The following OLFM3 variants were observed in gnomAD, a reference collection of about 807,000 sequenced individuals.
OLFM3 encodes olfactomedin 3.
In OLFM3, 20 loss-of-function variants were observed where a neutral mutation model predicts 48.6. That is an observed-to-expected ratio of 0.41 (90% confidence interval 0.29 to 0.60). The LOEUF is 0.60. Ranked by LOEUF, OLFM3 falls within the 20% of genes least tolerant of loss-of-function variation. OLFM3 has a pLI of 0.28. For synonymous variants in OLFM3, 222 were observed against 198.1 expected, an observed-to-expected ratio of 1.12 and a Z score of -1.01; for missense variants, 437 against 544.3, an observed-to-expected ratio of 0.80 and a Z score of 1.96.
At position 101,812,670 on chromosome 1, in the gene OLFM3, C is replaced by T. The variant is rs938917107; in HGVS notation, c.593-6488G>A. 3 of 985,578 alleles carry T rather than the reference C, an allele frequency of 3.0e-6. No homozygotes were observed. In the African/African-American group the frequency reaches 5.2e-5, roughly 17 times the overall value. 61.1% of individuals were successfully genotyped at this position (985,578 alleles called of 1,614,324 possible). The stretch of plus-strand genomic sequence containing the variant: ...GCTTGAATCTAATCCAGCCTTGCAT[C>T]TCTATGGCAAAGGGATACTGCTGAG... On this transcript the variant is annotated intron_variant, in intron 4 of 5. Coordinates refer to ENST00000370103, the MANE Select transcript of OLFM3 (RefSeq NM_058170.4).
intron 1 of OLFM3, among the ~76,000 whole-genome samples, chr1:101,862,993 GT>G (rs5776596): frequency 0.45 from 63,911 of 142,312 alleles, 13,711 homozygotes; most frequent in Non-Finnish European, 0.49. Context: ...TATGTAATTA[GT>G]TTTTTTTTTT....
At chr1:101,872,437 A>C (rs764349334) in intron 1 of OLFM3, among the ~76,000 whole-genome samples, 1 of 151,986 alleles carries the variant, frequency 6.6e-6, no homozygotes, top group South Asian at 2.1e-4. Flanking sequence ...GATAGGAGAA[A>C]ATTAAGAGAT....
intron 1 of OLFM3, among the ~76,000 whole-genome samples, chr1:101,897,947 A>G (rs1658259658): frequency 1.3e-5 from 2 of 152,142 alleles, no homozygotes; most frequent in South Asian, 4.2e-4. Context: ...AGTCATATAA[A>G]CAATTAATAT....
chr1:101,946,570 G>T (rs1208715110), intron 1 of OLFM3, among the ~76,000 whole-genome samples: 1 of 152,116 alleles, frequency 6.6e-6, no homozygotes, highest in Non-Finnish European at 1.5e-5. Context: ...ACGATAAGTG[G>T]CAATCTTTTA....
At chr1:101,880,990 A>C (rs1657505626) in intron 1 of OLFM3, among the ~76,000 whole-genome samples, 1 of 151,912 alleles carries the variant, frequency 6.6e-6, no homozygotes, top group South Asian at 2.1e-4. Flanking sequence ...ATGTTAAGCT[A>C]TCTGAAAAAT....
intron 1 of OLFM3, among the ~76,000 whole-genome samples, chr1:101,838,715 G>A (rs1655561266): frequency 1.3e-5 from 2 of 151,716 alleles, no homozygotes; most frequent in African/African-American, 4.8e-5. Context: ...CCTGATCTCA[G>A]GTGATCCGCC....
At chr1:101,936,616 T>C (rs572029022) in intron 1 of OLFM3, among the ~76,000 whole-genome samples, 7 of 152,274 alleles carry the variant, frequency 4.6e-5, no homozygotes, top group Admixed American at 4.6e-4. Flanking sequence ...TTTTAAAGTT[T>C]ATATGAAACC....
intron 1 of OLFM3, among the ~76,000 whole-genome samples, chr1:101,879,386 A>C (rs1172929030): frequency 6.6e-6 from 1 of 151,814 alleles, no homozygotes; most frequent in African/African-American, 2.4e-5. Context: ...TACAATAATA[A>C]TTTTCTCTCA....
At position 101,899,625 on chromosome 1, in the gene OLFM3, T is replaced by A. The variant is rs72987987; in HGVS notation, c.70-62600A>T. On this transcript the variant is annotated intron_variant, in intron 1 of 5. Transcript: ENST00000370103. The stretch of plus-strand genomic sequence containing the variant: ...GTAAACGTTTGACATTTGAATTGCA[T>A]AACTTTTATATCATAAATTCAATCT... Among the ~76,000 whole-genome samples, 722 of 152,236 alleles carry A rather than the reference T, an allele frequency of 4.7e-3. 7 individuals carry two copies. The highest frequency in any genetic ancestry group is 0.017 in the African/African-American group (688 of 41,550).
chr1:101,919,138 A>T (rs921442913), intron 1 of OLFM3, among the ~76,000 whole-genome samples: 2 of 152,210 alleles, frequency 1.3e-5, no homozygotes, highest in Non-Finnish European at 2.9e-5. Context: ...ATTTGGTTCT[A>T]CAGAAATTTC....
chr1:101,895,206 C>T (rs1557720814), intron 1 of OLFM3, among the ~76,000 whole-genome samples: 1 of 151,990 alleles, frequency 6.6e-6, no homozygotes, highest in South Asian at 2.1e-4. Flanking sequence ...AGTTTTACCA[C>T]TGTTTTGGAC....
chr1:101,893,458 T>G, intron 1 of OLFM3: 1 of 276,048 alleles, frequency 3.6e-6, no homozygotes, highest in Middle Eastern at 9.1e-4. Flanking sequence ...ATTCTAGAAA[T>G]TCATATTGAC....
At chr1:101,912,362 C>T (rs1431321780) in intron 1 of OLFM3, among the ~76,000 whole-genome samples, 1 of 152,166 alleles carries the variant, frequency 6.6e-6, no homozygotes, top group Admixed American at 6.5e-5. Flanking sequence ...TTTATGTAAG[C>T]AGTCTGAGGT....
chr1:101,991,016 A>AAAAAAAAATATATATATATAT (rs1553186119), intron 1 of OLFM3, among the ~76,000 whole-genome samples: 1 of 32,220 alleles, frequency 3.1e-5, no homozygotes, highest in African/African-American at 1.7e-4. Flanking sequence ...AAAAAAAAAA[A>AAAAAAAAATATATATATATAT]ATATATATAT....
At chr1:101,841,064 T>G (rs1024271261) in intron 1 of OLFM3, among the ~76,000 whole-genome samples, 13 of 152,254 alleles carry the variant, frequency 8.5e-5, no homozygotes, top group African/African-American at 2.7e-4. Context: ...CTGGATTATT[T>G]GCTTATAACT....
chr1:101,840,648 T>C (rs1226575323), intron 1 of OLFM3, among the ~76,000 whole-genome samples: 1 of 152,140 alleles, frequency 6.6e-6, no homozygotes, highest in Non-Finnish European at 1.5e-5. Context: ...TTTTTGTATC[T>C]TTTTTGGTGA....
chr1:101,975,696 C>G (rs1215786993), intron 1 of OLFM3, among the ~76,000 whole-genome samples: 2 of 152,056 alleles, frequency 1.3e-5, no homozygotes, highest in Non-Finnish European at 2.9e-5. Context: ...ATGATTTCGG[C>G]AGAGATTGCT....
intron 1 of OLFM3, among the ~76,000 whole-genome samples, chr1:101,870,874 C>T (rs1657052915): frequency 6.6e-6 from 1 of 151,814 alleles, no homozygotes; most frequent in South Asian, 2.1e-4. Context: ...TCCAAGCTAC[C>T]TTTAAAATCC....
intron 1 of OLFM3, among the ~76,000 whole-genome samples, chr1:101,962,006 A>G (rs948453503): frequency 6.6e-6 from 1 of 152,196 alleles, no homozygotes; most frequent in South Asian, 2.1e-4. Flanking sequence ...TTTTCATTTT[A>G]TTCACCAAAA....
Sources: allele counts gnomAD v4.1 joint callset (sites outside exome capture counted in the v4.1 genomes callset), GRCh38; gene constraint gnomAD v4.1.1; transcripts MANE v1.5; gene names NCBI Gene and HGNC (gene_info 2026-07-23, HGNC 2026-07-21).